The following PCNX1 variants were observed in gnomAD, a reference collection of about 807,000 sequenced individuals.
PCNX1 encodes pecanex-like protein 1.
PCNX1 carries 78 observed loss-of-function variants against 242.2 expected under a neutral mutation model. That is an observed-to-expected ratio of 0.32 (90% confidence interval 0.27 to 0.39). The LOEUF is 0.39. Among genes scored for constraint, PCNX1 ranks in the 10% least tolerant of loss-of-function variants. The probability of loss-of-function intolerance (pLI) is 1.00; values close to 1 mark genes in which losing one functional copy is unlikely to be tolerated. For synonymous variants in PCNX1, 1,024 were observed against 1,032.9 expected (o/e 0.99, Z 0.17); for missense variants, 2,581 against 2,856.5 (o/e 0.90, Z 2.20).
chr14:71,033,833 C>T (rs969455593), intron 17 of PCNX1, 98 bp from the exon 18 acceptor site: 19 of 695,976 alleles, frequency 2.7e-5, no homozygotes, highest in South Asian at 2.4e-4. Context: ...TAAATATACT[C>T]GAATCATTTG....
chr14:70,967,946 C>G (rs536393979), intron 3 of PCNX1, among the ~76,000 whole-genome samples: 7 of 152,172 alleles, frequency 4.6e-5, no homozygotes, highest in African/African-American at 1.4e-4. Context: ...TCTGGGGGGG[C>G]TCCGTCAGTC....
chr14:70,968,094 ATGTTT>A (rs1350714564), intron 3 of PCNX1, 99 bp from the exon 4 acceptor site: 1 of 814,062 alleles, frequency 1.2e-6, no homozygotes, highest in East Asian at 2.5e-5. Flanking sequence ...GATCGATAAC[ATGTTT>A]TGATCATATA....
At chr14:71,023,471 A>T (rs1179849259) in intron 13 of PCNX1, among the ~76,000 whole-genome samples, 1 of 152,094 alleles carries the variant, frequency 6.6e-6, no homozygotes, top group African/African-American at 2.4e-5. Flanking sequence ...GAGCATGATA[A>T]TTCACTTTTT....
chr14:70,948,898 T>C (rs956014772), intron 2 of PCNX1, among the ~76,000 whole-genome samples: 1 of 148,078 alleles, frequency 6.8e-6, no homozygotes, highest in Non-Finnish European at 1.5e-5. Flanking sequence ...TATACACACA[T>C]ACGTGTATAT....
chr14:71,019,190 C>T lies in PCNX1; in HGVS notation c.3150+28C>T, dbSNP rs775163988. 32 of 1,556,534 alleles carry T rather than the reference C, an allele frequency of 2.1e-5. No individual in the cohort carries two copies. In the Admixed American group the frequency reaches 2.9e-4, roughly 14 times the overall value. ...ACCAGCATCTCTTCTTTTCATGCTA[C>T]GGAATTATATTTGTGTTAAAAGGCA... On this transcript the variant is annotated intron_variant, in intron 12 of 35. Transcript: ENST00000304743.
At chr14:70,941,378 G>A (rs111498889) in intron 1 of PCNX1, among the ~76,000 whole-genome samples, 10,042 of 152,232 alleles carry the variant, frequency 0.066, 445 homozygotes, top group East Asian at 0.27. Context: ...AGGTCTATTG[G>A]AGTTTGCTGG....
chr14:70,948,211 C>T (rs1030687314), intron 2 of PCNX1, among the ~76,000 whole-genome samples: 1 of 152,098 alleles, frequency 6.6e-6, no homozygotes, highest in African/African-American at 2.4e-5. Context: ...ATCTCTGTGA[C>T]CCATACCCTA....
intron 1 of PCNX1, among the ~76,000 whole-genome samples, chr14:70,937,258 TG>T: frequency 6.6e-6 from 1 of 152,246 alleles, no homozygotes. Flanking sequence ...AGGGTTTTTA[TG>T]GTTTTAGGTC....
chr14:70,927,183 G>A (rs969943287), intron 1 of PCNX1, among the ~76,000 whole-genome samples: 17 of 152,140 alleles, frequency 1.1e-4, no homozygotes, highest in African/African-American at 4.1e-4. Flanking sequence ...GTTTATTTCC[G>A]TATTAACATT....
rs8015969 is a variant in PCNX1 at position 70,965,716 on chromosome 14, G to C, written c.469-2482G>C. On this transcript the variant is annotated intron_variant, in intron 3 of 35. Transcript: ENST00000304743. Reference sequence around the variant, plus strand: ...AGTAAAAATTGCCATAGGAATGGTAGAGAAGAAGAGCTAATGATTTCATAG... The same window carrying C: ...AGTAAAAATTGCCATAGGAATGGTACAGAAGAAGAGCTAATGATTTCATAG... Among the ~76,000 whole-genome samples, 1,302 of 149,874 alleles carry C rather than the reference G, an allele frequency of 8.7e-3. 26 individuals carry two copies. Among genetic ancestry groups the C allele is most frequent in the African/African-American group, 0.03 (1,226 of 40,776 alleles).
intron 20 of PCNX1, 111 bp downstream of exon 20, chr14:71,045,394 T>G: frequency 1.3e-6 from 1 of 786,914 alleles, no homozygotes; most frequent in South Asian, 1.9e-5. Flanking sequence ...TGGCTTGTGT[T>G]TCTTTTGCTT....
Position 71,003,080 on chromosome 14 carries a change from CTTT to C in PCNX1, c.2630-6536_2630-6534del, listed in dbSNP as rs3083307. Among the ~76,000 whole-genome samples, 908 of 95,468 alleles carry C rather than the reference CTTT, an allele frequency of 9.5e-3. 21 individuals carry two copies. Among genetic ancestry groups the C allele is most frequent in the African/African-American group, 0.04 (845 of 21,292 alleles). 62.6% of individuals were successfully genotyped at this position (95,468 alleles called of 152,430 possible). A position where few individuals can be genotyped will look rare whatever the true frequency, so the allele number is the denominator to read the frequency against. On this transcript the variant is annotated intron_variant, in intron 8 of 35. Transcript: ENST00000304743. ...TAAAAATCGGGTTGTTGGTTGTCTTCTTTTTTTTTTTTTTTTTTTTGAGACAGA... is the reference window on the plus strand; with the variant it reads ...TAAAAATCGGGTTGTTGGTTGTCTTCTTTTTTTTTTTTTTTTTGAGACAGA...
Position 71,026,171 on chromosome 14 carries a change from G to A in PCNX1, c.3238G>A (p.Gly1080Ser), listed in dbSNP as rs144712112. The A allele has an allele frequency of 2.9e-5, 46 of 1,609,736 alleles. 1 individual carries two copies. The Middle Eastern group carries it at 8.3e-4, about 29-fold the overall frequency. The change falls in exon 14 of 36, where the codon GGT (glycine) becomes AGT (serine). Residue 1080 changes from glycine (G) to serine (S), a missense_variant. Gly to Ser is a moderately conservative substitution (Grantham distance 56). Around this residue, in one of 9 missense-constraint regions of PCNX1, gnomAD observed 432 missense variants for 443.1 expected, o/e 0.97. Coordinates refer to ENST00000304743, the MANE Select transcript of PCNX1 (RefSeq NM_014982.3). Reference protein sequence around the residue: ...SRPVYFCICCGLIWLLDYGSR... With the variant: ...SRPVYFCICCSLIWLLDYGSR... Reference sequence around the variant, plus strand: ...ACCAGTTTATTTCTGCATATGTTGCGGTCTTATTTGGCTCTTGGATTATGG... The same window carrying A: ...ACCAGTTTATTTCTGCATATGTTGCAGTCTTATTTGGCTCTTGGATTATGG...
chr14:70,976,742 A>G (rs1380217191), intron 5 of PCNX1, among the ~76,000 whole-genome samples, 200 bp from the exon 6 acceptor site: 2 of 152,126 alleles, frequency 1.3e-5, no homozygotes, highest in African/African-American at 2.4e-5. Context: ...GAAGAACTCA[A>G]AGATTTGGAA....
intron 26 of PCNX1, among the ~76,000 whole-genome samples, chr14:71,067,918 T>TA (rs1044590739): frequency 2.0e-5 from 3 of 151,768 alleles, no homozygotes; most frequent in Non-Finnish European, 2.9e-5. Flanking sequence ...GTTTCACAAT[T>TA]AAAAAAAAGG....
intron 19 of PCNX1, among the ~76,000 whole-genome samples, chr14:71,036,689 A>C (rs890741101): frequency 1.3e-5 from 2 of 152,202 alleles, no homozygotes; most frequent in Non-Finnish European, 2.9e-5. Context: ...ATTTCTCATA[A>C]CGTATCCTGT....
chr14:70,940,643 C>T (rs2057198799), intron 1 of PCNX1, among the ~76,000 whole-genome samples: 1 of 152,134 alleles, frequency 6.6e-6, no homozygotes, highest in African/African-American at 2.4e-5. Context: ...TTGTGGCATT[C>T]TCTGTATTTC....
rs757443472 is a variant in PCNX1 at position 71,009,650 on chromosome 14, G to A, written c.2646G>A (p.Thr882=). Residue 882 remains threonine (T), a synonymous_variant, in exon 9 of 36, where the codon ACG becomes ACA. Coordinates refer to ENST00000304743, the MANE Select transcript of PCNX1 (RefSeq NM_014982.3). ...ATTTGCTAGGTAAGTTCTCTTCTAC[G>A]CTGTATGAGACTGGTGGCTGTGATA... ...LHDELGKFSS[T]LYETGGCDMS... is the part of the protein sequence containing the mutation. 23 of 1,588,272 alleles carry A rather than the reference G, an allele frequency of 1.4e-5. No individual in the cohort carries two copies. The highest frequency in any genetic ancestry group is 9.0e-5 in the East Asian group (4 of 44,642).
Position 71,102,089 on chromosome 14 carries a change from C to A in PCNX1, c.5689C>A (p.Pro1897Thr), listed in dbSNP as rs1484675170. Residue 1897 changes from proline (P) to threonine (T), a missense_variant, in exon 31 of 36, where the codon CCT (proline) becomes ACT (threonine). Around this residue, in one of 9 missense-constraint regions of PCNX1, gnomAD observed 298 missense variants for 480.1 expected, o/e 0.62. Coordinates refer to ENST00000304743, the MANE Select transcript of PCNX1 (RefSeq NM_014982.3). ...KNLVIAHEGD[P>T]AWRSAVLANS... ...CCTCGTAATAGCCCATGAAGGGGAC[C>A]CTGCATGGCGGAGTGCAGTACTTGC... is the stretch of plus-strand genomic sequence containing the variant. The A allele has an allele frequency of 6.2e-7, 1 of 1,613,830 alleles. No homozygotes were observed.
Sources: allele counts gnomAD v4.1 joint callset (sites outside exome capture counted in the v4.1 genomes callset), GRCh38; gene constraint gnomAD v4.1.1; regional missense constraint gnomAD v4.1.1; transcripts MANE v1.5; gene names NCBI Gene and HGNC (gene_info 2026-07-23, HGNC 2026-07-21).